Variants in PHLDB3 observed in about 807,000 individuals in gnomAD.
The protein encoded by PHLDB3 is pleckstrin homology-like domain family B member 3.
A neutral mutation model predicts 85.7 loss-of-function variants in PHLDB3; 86 were observed. The observed-to-expected ratio is 1.00, with a 90% CI of 0.84 to 1.20. The LOEUF is 1.20. Ranked by LOEUF, PHLDB3 falls within the 50% of genes most tolerant of loss-of-function variation. The pLI is 0.00. For missense variants in PHLDB3, 995 were observed against 873.0 expected (o/e 1.14, Z -1.76); for synonymous variants, 376 against 349.8 (o/e 1.07, Z -0.83).
intron 14 of PHLDB3, 84 bp from the exon 15 acceptor site, chr19:43,478,216 C>A: frequency 2.0e-6 from 2 of 1,013,872 alleles, no homozygotes; most frequent in South Asian, 2.8e-5. Flanking sequence ...GGCCCTAAGT[C>A]CTGAGACTGG....
chr19:43,486,848 G>A lies in PHLDB3; in HGVS notation c.1272C>T (p.Leu424=), dbSNP rs1427709550. The change falls in exon 11 of 16, where the codon CTC becomes CTT. Residue 424 remains leucine (L), a synonymous_variant. Transcript: ENST00000292140. ...TGCCGGAGTCCCCCACTGCTGGCGG[G>A]AGAGCTGAGGCCTCCAGGGATTCTA... The part of the protein sequence containing the change: ...HCTESLEASA[L]PPAVGDSGRY... 11 of 1,570,428 alleles carry A rather than the reference G, an allele frequency of 7.0e-6. No individual in the cohort carries two copies. The highest frequency in any genetic ancestry group is 9.5e-6 in the Non-Finnish European group (11 of 1,156,696).
In PHLDB3 at chr19:43,503,906, C is replaced by T. The variant is rs1785452976; in HGVS notation, c.213G>A (p.Ala71=). 2 of 1,613,802 alleles carry T rather than the reference C, an allele frequency of 1.2e-6. No individual in the cohort carries two copies. The highest frequency in any genetic ancestry group is 1.7e-6 in the Non-Finnish European group (2 of 1,179,784). Residue 71 remains alanine (A), a splice_region_variant and synonymous_variant, in exon 2 of 16, where the codon GCG becomes GCA. Coordinates refer to ENST00000292140, the MANE Select transcript of PHLDB3 (RefSeq NM_198850.4). ...EGSSTESSRD[A]PEATPPIAMA... ...GCGCTGTCGCCCTCGGGCCCCTCAC[C>T]GCGTCGCGGCTGCTCTCAGTGCTGC...
At chr19:43,492,017 A>G (rs1971330021) in intron 9 of PHLDB3, among the ~76,000 whole-genome samples, 1 of 144,240 alleles carries the variant, frequency 6.9e-6, no homozygotes, top group African/African-American at 2.6e-5. Flanking sequence ...GAGCAGTGGC[A>G]TGATCTCGGC....
intron 9 of PHLDB3, among the ~76,000 whole-genome samples, chr19:43,493,280 G>GAATAAATAAATA (rs57954351): frequency 0.14 from 18,617 of 133,610 alleles, 1,607 homozygotes; most frequent in East Asian, 0.23. Flanking sequence ...CTCTGTCTCA[G>GAATAAATAAATA]AATAAATAAA....
intron 9 of PHLDB3, among the ~76,000 whole-genome samples, chr19:43,494,261 T>C (rs1223150459): frequency 6.6e-6 from 1 of 152,058 alleles, no homozygotes; most frequent in Non-Finnish European, 1.5e-5. Context: ...CCGCTTGCCT[T>C]GGCCTCCCAA....
intron 4 of PHLDB3, among the ~76,000 whole-genome samples, chr19:43,500,908 T>TCCCCCCCCCCCC (rs1568485127): frequency 1.2e-4 from 1 of 8,314 alleles, no homozygotes; most frequent in Non-Finnish European, 2.6e-4. Flanking sequence ...CCGCCCCCCG[T>TCCCCCCCCCCCC]ACCCCCCCCC....
chr19:43,486,573 G>C (rs1249488335), intron 12 of PHLDB3, 36 bp downstream of exon 12: 2 of 1,594,886 alleles, frequency 1.3e-6, no homozygotes, highest in South Asian at 1.1e-5. Context: ...GGCTGGGGCA[G>C]TCTTCTGTTC....
intron 9 of PHLDB3, among the ~76,000 whole-genome samples, chr19:43,487,769 G>A (rs921874768): frequency 5.9e-5 from 9 of 151,986 alleles, no homozygotes; most frequent in Non-Finnish European, 7.4e-5. Flanking sequence ...TTTGCGCAAC[G>A]TTGAATATAC....
intron 4 of PHLDB3, among the ~76,000 whole-genome samples, chr19:43,498,487 AGGAAGGAAGGAATGAT>A (rs892436550): frequency 3.2e-4 from 49 of 152,162 alleles, no homozygotes; most frequent in African/African-American, 1.1e-3. Context: ...ACAAAAAGGA[AGGAAGGAAGGAATGAT>A]GGAAGGAAGG....
chr19:43,494,933 GGA>G, intron 8 of PHLDB3, 118 bp from the exon 9 acceptor site: 1 of 725,438 alleles, frequency 1.4e-6, no homozygotes, highest in Non-Finnish European at 2.3e-6. Context: ...GAAAAACTAA[GGA>G]GAGATGGAAT....
At chr19:43,493,533 A>T (rs1971371311) in intron 9 of PHLDB3, among the ~76,000 whole-genome samples, 1 of 151,516 alleles carries the variant, frequency 6.6e-6, no homozygotes, top group African/African-American at 2.4e-5. Context: ...GGTCCCAGCT[A>T]CTCAAGGAGG....
chr19:43,494,176 A>T (rs1279606379), intron 9 of PHLDB3, among the ~76,000 whole-genome samples: 1 of 152,022 alleles, frequency 6.6e-6, no homozygotes, highest in African/African-American at 2.4e-5. Flanking sequence ...TGCCTGGCTA[A>T]TTTTTGTATT....
At chr19:43,503,554 C>T (rs895480732) in intron 2 of PHLDB3, among the ~76,000 whole-genome samples, 7 of 152,050 alleles carry the variant, frequency 4.6e-5, no homozygotes, top group Admixed American at 2.6e-4. Flanking sequence ...AGCAATCCTC[C>T]CCTCGGCCTC....
In PHLDB3 at chr19:43,494,720, A is replaced by G. The variant is rs1259650929; in HGVS notation, c.1131T>C (p.Ser377=). The part of the protein sequence containing the change: ...AATPTSSCLF[S]VHSSLQGSIG... Reference sequence around the variant, plus strand: ...GAGGCACCTGCAGGGAGCTGTGGACAGAAAAGAGGCAGGAAGAAGTAGGGG... The same window carrying G: ...GAGGCACCTGCAGGGAGCTGTGGACGGAAAAGAGGCAGGAAGAAGTAGGGG... Residue 377 remains serine (S), a synonymous_variant, in exon 9 of 16, where the codon TCT becomes TCC. Transcript: ENST00000292140. 6.2e-7 allele frequency: 1 copy of G among 1,612,820 alleles called. No individual in the cohort carries two copies.
rs904338718 is a variant in PHLDB3, at chr19:43,475,348, C to A, written c.*62G>T. 20 of 1,584,574 alleles carry A rather than the reference C, an allele frequency of 1.3e-5. No individual in the cohort carries two copies. In the African/African-American group the frequency reaches 2.6e-4, roughly 20 times the overall value. ...TCCGGCAGTGGGCGGGGCCTAGGAA[C>A]GCCCCCGCGCCCCGCGCCGGCGGAG... On this transcript the variant is annotated 3_prime_UTR_variant, in exon 16 of 16. Transcript: ENST00000292140.
chr19:43,475,649 T>TCAC, intron 15 of PHLDB3, 105 bp from the exon 16 acceptor site: 2 of 1,386,918 alleles, frequency 1.4e-6, no homozygotes, highest in South Asian at 1.4e-5. Context: ...CTGGACAAGG[T>TCAC]ACTTAAGTAT....
At chr19:43,482,461 A>G (rs962126227) in intron 13 of PHLDB3, among the ~76,000 whole-genome samples, 21 of 152,210 alleles carry the variant, frequency 1.4e-4, no homozygotes, top group Admixed American at 1.1e-3. Context: ...GGGACAAAGC[A>G]CACAGCAGGG....
intron 15 of PHLDB3, among the ~76,000 whole-genome samples, chr19:43,476,161 G>C (rs1970923672): frequency 6.6e-6 from 1 of 152,118 alleles, no homozygotes; most frequent in Non-Finnish European, 1.5e-5. Context: ...TAGAAATACA[G>C]GCATTCAAAT....
rs201120799 is a variant in PHLDB3 at position 43,497,109 on chromosome 19, A to G, written c.825+9T>C. The G allele has an allele frequency of 1.4e-6, 2 of 1,480,768 alleles. No individual in the cohort carries two copies. Among genetic ancestry groups the G allele is most frequent in the East Asian group, 2.6e-5 (1 of 38,600 alleles). 91.7% of individuals were successfully genotyped at this position (1,480,768 alleles called of 1,614,324 possible). On this transcript the variant is annotated intron_variant, in intron 6 of 15. Transcript: ENST00000292140. ...GCAAGGGGGGCAGCGCTGGTCAGGC[A>G]TGACTCACTCTGTGCTGCGCCATGC...
Sources: allele counts gnomAD v4.1 joint callset (sites outside exome capture counted in the v4.1 genomes callset), GRCh38; gene constraint gnomAD v4.1.1; transcripts MANE v1.5; gene names NCBI Gene and HGNC (gene_info 2026-07-23, HGNC 2026-07-21).